ATXN7L1: variants seen among roughly 807,000 people sequenced by gnomAD.
ATXN7L1 encodes the protein ataxin-7-like protein 1.
ATXN7L1 carries 15 observed loss-of-function variants against 70.8 expected under a neutral mutation model. The observed-to-expected ratio is 0.21, with a 90% confidence interval of 0.14 to 0.33. The LOEUF is 0.33. Ranked by LOEUF, ATXN7L1 falls within the 10% of genes least tolerant of loss-of-function variation. The pLI is 1.00. For synonymous variants in ATXN7L1, 440 were observed against 445.1 expected (o/e 0.99, Z 0.14); for missense variants, 975 against 1,097.1 (o/e 0.89, Z 1.57).
intron 3 of ATXN7L1, among the ~76,000 whole-genome samples, chr7:105,746,504 C>G (rs989940495): frequency 2.6e-5 from 4 of 152,226 alleles, no homozygotes; most frequent in African/African-American, 9.6e-5. Flanking sequence ...CCCTCTCTGC[C>G]TAGAGTCCTT....
chr7:105,759,898 G>A (rs1420265245), intron 3 of ATXN7L1, among the ~76,000 whole-genome samples: 1 of 151,976 alleles, frequency 6.6e-6, no homozygotes, highest in Non-Finnish European at 1.5e-5. Context: ...AAGTGATTAA[G>A]TTACAATTAA....
At chr7:105,795,170 G>C (rs1041863082) in intron 2 of ATXN7L1, among the ~76,000 whole-genome samples, 1 of 152,212 alleles carries the variant, frequency 6.6e-6, no homozygotes, top group Non-Finnish European at 1.5e-5. Flanking sequence ...GAGACACAAA[G>C]TTTGGGACAA....
chr7:105,609,171 CT>C (rs1275914628), intron 11 of ATXN7L1, among the ~76,000 whole-genome samples: 1 of 152,082 alleles, frequency 6.6e-6, no homozygotes, highest in African/African-American at 2.4e-5. Context: ...AGGCCTCCCC[CT>C]CCTCTTTTTT....
At chr7:105,731,591 C>A (rs187807399) in intron 3 of ATXN7L1, among the ~76,000 whole-genome samples, 1 of 151,334 alleles carries the variant, frequency 6.6e-6, no homozygotes, top group East Asian at 2.0e-4. Flanking sequence ...CCCACCACCA[C>A]GCCCGGCTAA....
intron 2 of ATXN7L1, among the ~76,000 whole-genome samples, chr7:105,821,681 G>A (rs1267586338): frequency 6.6e-6 from 1 of 152,240 alleles, no homozygotes; most frequent in Non-Finnish European, 1.5e-5. Context: ...ATGATTGTGA[G>A]CAAGCTACTT....
rs763621280 is a variant in ATXN7L1 at position 105,639,528 on chromosome 7, G to T, written c.904C>A (p.Pro302Thr). ...CTTGTGCAAGGTTTCTTTGTCTCGG[G>T]ATCCAATACTCCACAGTGTTTATTT... ...DPNKHCGVLD[P>T]ETKKPCTRSL... Residue 302 changes from proline (P) to threonine (T), a missense_variant, in exon 6 of 12, where the codon CCC (proline) becomes ACC (threonine). This residue lies in a region of ATXN7L1 where 192 missense variants were observed against 215.5 expected (regional missense o/e 0.89). Transcript: ENST00000419735. 5.2e-6 allele frequency: 8 copies of T among 1,551,410 alleles called. No homozygotes were observed. The highest frequency in any genetic ancestry group is 6.1e-6 in the Non-Finnish European group (7 of 1,146,862).
intron 3 of ATXN7L1, among the ~76,000 whole-genome samples, chr7:105,739,531 G>C (rs1379642498): frequency 1.3e-5 from 2 of 152,122 alleles, no homozygotes; most frequent in South Asian, 2.1e-4. Flanking sequence ...CAGAACCACT[G>C]CCTTGCTCTT....
At position 105,866,801 on chromosome 7, in the gene ATXN7L1, C is replaced by T. The variant is rs540344185; in HGVS notation, c.250+9011G>A. Reference sequence around the variant, plus strand: ...TGGCTAAAGCTCTCCCTCTCCATTACGGCTATGTTTGATTATTGCAATCAC... The same window carrying T: ...TGGCTAAAGCTCTCCCTCTCCATTATGGCTATGTTTGATTATTGCAATCAC... On this transcript the variant is annotated intron_variant, in intron 2 of 11. Transcript: ENST00000419735. Among the ~76,000 whole-genome samples, 3 of 152,296 alleles carry T rather than the reference C, an allele frequency of 2.0e-5. No individual in the cohort carries two copies. In the East Asian group the frequency reaches 5.8e-4, roughly 29 times the overall value.
chr7:105,828,133 C>T (rs952632586), intron 2 of ATXN7L1, among the ~76,000 whole-genome samples: 2 of 152,172 alleles, frequency 1.3e-5, no homozygotes, highest in Non-Finnish European at 1.5e-5. Flanking sequence ...CCCCAAGGGT[C>T]AGGGATTGAC....
intron 3 of ATXN7L1, among the ~76,000 whole-genome samples, chr7:105,713,951 A>G (rs988046469): frequency 6.6e-6 from 1 of 152,224 alleles, no homozygotes; most frequent in African/African-American, 2.4e-5. Flanking sequence ...CAGGATCTCA[A>G]AACTTCTGAC....
intron 2 of ATXN7L1, among the ~76,000 whole-genome samples, chr7:105,796,664 TAA>T (rs1177591819): frequency 6.6e-6 from 1 of 152,218 alleles, no homozygotes; most frequent in Non-Finnish European, 1.5e-5. Flanking sequence ...TGGCTGGTCC[TAA>T]GAGTCTTCCT....
intron 3 of ATXN7L1, among the ~76,000 whole-genome samples, chr7:105,784,475 T>C (rs1306958642): frequency 6.6e-6 from 1 of 150,902 alleles, no homozygotes; most frequent in Admixed American, 6.6e-5. Flanking sequence ...TCAATTTAAG[T>C]TAAATGACTA....
At chr7:105,804,815 T>A (rs1554469397) in intron 2 of ATXN7L1, among the ~76,000 whole-genome samples, 1 of 152,196 alleles carries the variant, frequency 6.6e-6, no homozygotes, top group Non-Finnish European at 1.5e-5. Flanking sequence ...GAGGTTAAGC[T>A]ATTGGCTCCC....
At chr7:105,636,039 T>G (rs1018109894) in intron 7 of ATXN7L1, among the ~76,000 whole-genome samples, 1 of 152,214 alleles carries the variant, frequency 6.6e-6, no homozygotes, top group Admixed American at 6.5e-5. Context: ...TGATTAACTT[T>G]GGAAAAGAGC....
chr7:105,870,743 CAGA>C (rs1262143944), intron 2 of ATXN7L1, among the ~76,000 whole-genome samples: 1 of 152,176 alleles, frequency 6.6e-6, no homozygotes, highest in East Asian at 1.9e-4. Flanking sequence ...AAGGTTAGCA[CAGA>C]AGAATGGCCG....
chr7:105,764,029 T>C (rs1434232168), intron 3 of ATXN7L1, among the ~76,000 whole-genome samples: 1 of 152,014 alleles, frequency 6.6e-6, no homozygotes, highest in Non-Finnish European at 1.5e-5. Flanking sequence ...AATTTTTATA[T>C]TTTTAGTAGA....
chr7:105,679,499 T>C (rs1304625766), intron 3 of ATXN7L1, among the ~76,000 whole-genome samples: 2 of 152,168 alleles, frequency 1.3e-5, no homozygotes, highest in African/African-American at 4.8e-5. Context: ...GTCCACTTCA[T>C]TACCTAGCAC....
chr7:105,776,192 C>T (rs1283227060), intron 3 of ATXN7L1, among the ~76,000 whole-genome samples: 1 of 152,202 alleles, frequency 6.6e-6, no homozygotes, highest in African/African-American at 2.4e-5. Context: ...ATGGCAAGGA[C>T]ACACCAGTGA....
chr7:105,869,135 C>T (rs545835155), intron 2 of ATXN7L1, among the ~76,000 whole-genome samples: 87 of 152,320 alleles, frequency 5.7e-4, no homozygotes, highest in Middle Eastern at 6.8e-3. Flanking sequence ...TTCCCTTCTC[C>T]GTCTCATCTT....
Sources: allele counts gnomAD v4.1 joint callset (sites outside exome capture counted in the v4.1 genomes callset), GRCh38; gene constraint gnomAD v4.1.1; regional missense constraint gnomAD v4.1.1; transcripts MANE v1.5; gene names NCBI Gene and HGNC (gene_info 2026-07-23, HGNC 2026-07-21).